The following PARD3B variants were observed in gnomAD, a reference collection of about 807,000 sequenced individuals.
PARD3B encodes par-3 family cell polarity regulator beta.
Under a neutral mutation model 130.2 loss-of-function variants are expected in PARD3B, and 103 were observed. The ratio of observed to expected loss-of-function variants is 0.79; its 90% CI spans 0.67 to 0.93. PARD3B has a LOEUF of 0.93. Among genes scored for constraint, PARD3B ranks in the 40% least tolerant of loss-of-function variants. PARD3B has a pLI of 0.00. For missense variants in PARD3B, 1,609 were observed against 1,499.2 expected, an observed-to-expected ratio of 1.07 and a Z score of -1.21; for synonymous variants, 583 against 553.2, an observed-to-expected ratio of 1.05 and a Z score of -0.76.
chr2:204,779,862 C>G (rs1307229020), intron 2 of PARD3B, among the ~76,000 whole-genome samples: 1 of 152,172 alleles, frequency 6.6e-6, no homozygotes, highest in Non-Finnish European at 1.5e-5. Context: ...TAAGGTCTTG[C>G]ATGCAGATGA....
chr2:205,450,919 T>TA (rs2048079065), intron 20 of PARD3B, among the ~76,000 whole-genome samples: 1 of 152,200 alleles, frequency 6.6e-6, no homozygotes, highest in Admixed American at 6.5e-5. Flanking sequence ...ACTGAGGCAA[T>TA]ATCCTACCAT....
chr2:204,993,760 T>C (rs1036902098), intron 3 of PARD3B, among the ~76,000 whole-genome samples: 2 of 148,058 alleles, frequency 1.4e-5, no homozygotes, highest in African/African-American at 5.0e-5. Context: ...TTTCAGCTCC[T>C]GTTATTGGTC....
At chr2:205,611,892 C>T (rs1025787492) in intron 22 of PARD3B, among the ~76,000 whole-genome samples, 4 of 152,052 alleles carry the variant, frequency 2.6e-5, no homozygotes, top group East Asian at 3.8e-4. Flanking sequence ...ATTTGTTATG[C>T]GGATTCTTGT....
At chr2:204,575,150 A>G (rs2032195208) in intron 1 of PARD3B, among the ~76,000 whole-genome samples, 1 of 152,234 alleles carries the variant, frequency 6.6e-6, no homozygotes, top group South Asian at 2.1e-4. Flanking sequence ...AACCTAAGAC[A>G]GTAATATACA....
chr2:205,252,557 G>A (rs1227326719), intron 16 of PARD3B, among the ~76,000 whole-genome samples: 1 of 152,094 alleles, frequency 6.6e-6, no homozygotes, highest in Admixed American at 6.5e-5. Context: ...TACAGAAAAG[G>A]TCAATGAGCC....
chr2:205,541,787 A>G (rs994011854), intron 21 of PARD3B, among the ~76,000 whole-genome samples: 8 of 152,172 alleles, frequency 5.3e-5, no homozygotes, highest in Admixed American at 1.3e-4. Flanking sequence ...TATGGCACTA[A>G]CCTGATGATA....
At chr2:205,557,169 C>A (rs995633866) in intron 22 of PARD3B, among the ~76,000 whole-genome samples, 1 of 152,154 alleles carries the variant, frequency 6.6e-6, no homozygotes, top group Non-Finnish European at 1.5e-5. Context: ...GTCCTACATG[C>A]GTGGGCGGCA....
In PARD3B at chr2:205,086,336, G is replaced by A. The variant is rs191696043; in HGVS notation, c.505-18090G>A. On this transcript the variant is annotated intron_variant, in intron 4 of 22. Transcript: ENST00000406610. ...GTGCAGACATATTTATATGACAGGA[G>A]CATTCTAAATGGGATCTCATGTGGC... Among the ~76,000 whole-genome samples, 17 of 152,294 alleles carry A rather than the reference G, an allele frequency of 1.1e-4. No individual in the cohort carries two copies. In the East Asian group the frequency reaches 2.9e-3, roughly 26 times the overall value.
At chr2:204,829,978 G>A (rs1182751783) in intron 2 of PARD3B, among the ~76,000 whole-genome samples, 5 of 126,616 alleles carry the variant, frequency 3.9e-5, no homozygotes, top group Admixed American at 9.9e-5. Context: ...CAGCCTGGGC[G>A]ACAGAGCGAG....
At chr2:205,476,327 T>C (rs2106273525) in intron 20 of PARD3B, among the ~76,000 whole-genome samples, 1 of 152,318 alleles carries the variant, frequency 6.6e-6, no homozygotes, top group South Asian at 2.1e-4. Context: ...ATACATTAGG[T>C]AGAATGGTGA....
At chr2:204,599,141 A>G (rs576436475) in intron 1 of PARD3B, among the ~76,000 whole-genome samples, 15 of 152,048 alleles carry the variant, frequency 9.9e-5, no homozygotes, top group Non-Finnish European at 1.9e-4. Flanking sequence ...TGATCAGATC[A>G]GGGTAATTAG....
chr2:204,792,218 CT>C (rs1448339493), intron 2 of PARD3B, among the ~76,000 whole-genome samples: 2 of 152,122 alleles, frequency 1.3e-5, no homozygotes, highest in Admixed American at 1.3e-4. Context: ...ATTTATTAGA[CT>C]TTTGATTGGT....
At chr2:205,279,931 A>G (rs1316698891) in intron 16 of PARD3B, among the ~76,000 whole-genome samples, 2 of 152,214 alleles carry the variant, frequency 1.3e-5, no homozygotes, top group Non-Finnish European at 2.9e-5. Context: ...AGCTACAAAA[A>G]ATAAGTATCC....
chr2:205,076,054 G>C (rs1701040582), intron 4 of PARD3B, among the ~76,000 whole-genome samples: 1 of 152,074 alleles, frequency 6.6e-6, no homozygotes, highest in Non-Finnish European at 1.5e-5. Flanking sequence ...TGTGTCTTAT[G>C]AGAACTTTCT....
In PARD3B at chr2:205,300,592, C is replaced by A; in HGVS notation, c.2248C>A (p.Leu750Met). Residue 750 changes from leucine to methionine, a missense_variant, in exon 17 of 23, where the codon CTG (leucine) becomes ATG (methionine). Coordinates refer to ENST00000406610, the MANE Select transcript of PARD3B (RefSeq NM_001302769.2). This position sits in a 1 kb window ranked among gnomAD's most constrained non-coding sequence, Gnocchi z 4.1. ...GAAAAAGTCCAGCTCCTTGGAGAGT[C>A]TGCAGACTGCAGTGGCCGAGGTCAG... Reference protein sequence around the residue: ...GLKKSSSLESLQTAVAEVRKN... With the variant: ...GLKKSSSLESMQTAVAEVRKN... 1 of 1,613,916 alleles carries A rather than the reference C, an allele frequency of 6.2e-7. No individual in the cohort carries two copies. Among genetic ancestry groups the A allele is most frequent in the Non-Finnish European group, 8.5e-7 (1 of 1,180,008 alleles).
chr2:205,330,110 G>A (rs1178994554), intron 18 of PARD3B, among the ~76,000 whole-genome samples: 2 of 151,976 alleles, frequency 1.3e-5, no homozygotes, highest in African/African-American at 4.8e-5. Flanking sequence ...GGAGGCTGAG[G>A]CGGGTGGATC....
In PARD3B at chr2:205,176,593, T is replaced by G; in HGVS notation, c.1924+16T>G. 6.3e-7 allele frequency: 1 copy of G among 1,578,638 alleles called. No homozygotes were observed. The highest frequency in any genetic ancestry group is 1.2e-5 in the South Asian group (1 of 85,258). On this transcript the variant is annotated intron_variant, in intron 13 of 22. Coordinates refer to ENST00000406610, the MANE Select transcript of PARD3B (RefSeq NM_001302769.2). The surrounding 1 kb of genome is among the most constrained non-coding windows in gnomAD (Gnocchi z 5.3). ...AAACAGAAAGGTAAGAGTCTATTCA[T>G]TTTATCCACTGCAAATGGAGTGAGA...
intron 1 of PARD3B, among the ~76,000 whole-genome samples, chr2:204,553,673 T>TTTATATATATCC (rs2030684683): frequency 8.5e-6 from 1 of 118,202 alleles, no homozygotes; most frequent in African/African-American, 4.0e-5. Context: ...TATATATATA[T>TTTATATATATCC]ATATATATAT....
chr2:205,534,466 CT>C (rs760015891), intron 21 of PARD3B, among the ~76,000 whole-genome samples: 190 of 145,834 alleles, frequency 1.3e-3, no homozygotes, highest in African/African-American at 3.7e-3. Flanking sequence ...ATGGAGTCCA[CT>C]TTTTTTTTTT....
Sources: allele counts gnomAD v4.1 joint callset (sites outside exome capture counted in the v4.1 genomes callset), GRCh38; gene constraint gnomAD v4.1.1; non-coding constraint Gnocchi (gnomAD v3.1); transcripts MANE v1.5; gene names NCBI Gene and HGNC (gene_info 2026-07-23, HGNC 2026-07-21).